C1orf141: variants seen among roughly 807,000 people sequenced by gnomAD.
C1orf141 encodes chromosome 1 open reading frame 141.
A neutral mutation model predicts 23.2 loss-of-function variants in C1orf141; 19 were observed. The ratio of observed to expected loss-of-function variants is 0.82; its 90% CI spans 0.57 to 1.20. The LOEUF (loss-of-function observed/expected upper bound fraction) is 1.20. C1orf141 is among the 50% of genes most tolerant of loss of function. The pLI is 0.00. For missense variants in C1orf141, 469 were observed against 455.1 expected, an observed-to-expected ratio of 1.03 and a Z score of -0.28; for synonymous variants, 153 against 154.6, an observed-to-expected ratio of 0.99 and a Z score of 0.08.
chr1:67,124,064 C>T (rs1646355374), intron 4 of C1orf141: 2 of 152,132 alleles, frequency 1.3e-5, no homozygotes, highest in Admixed American at 1.3e-4. Flanking sequence ...AGGTTCAAAT[C>T]CAGCCTTTCA....
chr1:67,107,495 A>G (rs1570695972), intron 5 of C1orf141, among the ~76,000 whole-genome samples: 1 of 152,250 alleles, frequency 6.6e-6, no homozygotes, highest in Non-Finnish European at 1.5e-5. Flanking sequence ...TATATAAAAA[A>G]TGTACTATAA....
At chr1:67,121,994 C>A (rs982292744) in intron 4 of C1orf141, 1 of 152,136 alleles carries the variant, frequency 6.6e-6, no homozygotes, top group African/African-American at 2.4e-5. Context: ...TTTTAATAAC[C>A]AAAGTGATCA....
At chr1:67,138,009 T>C (rs2102518482), upstream of C1orf141, among the ~76,000 whole-genome samples, 1 of 152,350 alleles carries the variant, frequency 6.6e-6, no homozygotes, top group Non-Finnish European at 1.5e-5. Context: ...CATCTTTAAG[T>C]TTCTTCTTCC....
chr1:67,098,024 C>A (rs1249978350), intron 5 of C1orf141, among the ~76,000 whole-genome samples: 1 of 152,130 alleles, frequency 6.6e-6, no homozygotes, highest in Non-Finnish European at 1.5e-5. Flanking sequence ...CAAACCACAC[C>A]AGAGATGGAT....
intron 4 of C1orf141, among the ~76,000 whole-genome samples, chr1:67,118,541 C>A (rs1225660555): frequency 6.6e-6 from 1 of 152,180 alleles, no homozygotes; most frequent in Non-Finnish European, 1.5e-5. Flanking sequence ...AGTAGACACC[C>A]TGCACCACAC....
In C1orf141 at chr1:67,115,463, G is replaced by T; in HGVS notation, c.235C>A (p.His79Asn). Residue 79 changes from histidine to asparagine, a missense_variant and splice_region_variant, in exon 5 of 8, where the codon CAT becomes AAT. Around this residue, in one of 3 missense-constraint regions of C1orf141, gnomAD observed 95 missense variants for 90.3 expected, o/e 1.05. Transcript: ENST00000684719. ...KSCSITKSKM[H>N]VSFKCEPEPR... ...TCAGGCTCACATTTGAAAGAGACAT[G>T]CCTGGAAGAAATAAAAATTAATTTA... 8.2e-7 allele frequency: 1 copy of T among 1,212,876 alleles called. No individual in the cohort carries two copies. The allele number at this position is 1,212,876 out of a possible 1,614,324, so 75.1% of individuals were successfully genotyped here.
At position 67,125,757 on chromosome 1, in the gene C1orf141, T is replaced by C. The variant is rs1171488286; in HGVS notation, c.228A>G (p.Ser76=). Residue 76 remains serine (S), a synonymous_variant, in exon 4 of 8, where the codon TCA becomes TCG. Coordinates refer to ENST00000684719, the MANE Select transcript of C1orf141 (RefSeq NM_001276351.2). ...AAGGTGGTTATGATAGTTACATTTT[T>C]GATTTTGTAATGCTGCATGACTTGT... The part of the protein sequence containing the change: ...KEDKSCSITK[S]KMHVSFKCEP... The C allele has an allele frequency of 1.9e-6, 3 of 1,613,822 alleles. No individual in the cohort carries two copies. In the South Asian group the frequency reaches 3.3e-5, roughly 18 times the overall value.
At chr1:67,135,906 C>CAAAAAAAAAAAAAAAAAAAA (rs59519661), upstream of C1orf141, among the ~76,000 whole-genome samples, 14 of 62,588 alleles carry the variant, frequency 2.2e-4, no homozygotes, top group African/African-American at 9.1e-4. Flanking sequence ...GGCAAAACTG[C>CAAAAAAAAAAAAAAAAAAAA]AAAAAAAAAA....
Position 67,125,928 on chromosome 1 carries a change from G to GA in C1orf141, c.76-20dup, listed in dbSNP as rs11336462. 47,881 of 1,173,446 alleles carry GA rather than the reference G, an allele frequency of 0.041. 168 individuals are homozygous for GA. The highest frequency in any genetic ancestry group is 0.045 in the African/African-American group (2,144 of 47,956). The allele number at this position is 1,173,446 out of a possible 1,614,324, so 72.7% of individuals were successfully genotyped here. ...TGTTTATCTGCAGCAATGCCAAAGT[G>GA]AAAAAAAAAAAAAAAAAAAGAGTAC... On this transcript the variant is annotated intron_variant, in intron 3 of 7. Transcript: ENST00000684719.
chr1:67,100,689 T>G (rs1265765574), intron 5 of C1orf141, among the ~76,000 whole-genome samples: 1 of 152,184 alleles, frequency 6.6e-6, no homozygotes, highest in Non-Finnish European at 1.5e-5. Flanking sequence ...CTGCTCAACT[T>G]TGAATCAGAT....
At position 67,127,513 on chromosome 1, in the gene C1orf141, C is replaced by T. The variant is rs931309374; in HGVS notation, c.-17-256G>A. Among the ~76,000 whole-genome samples the T allele has an allele frequency of 5.3e-5, 8 of 152,238 alleles. 1 individual carries two copies. The South Asian group carries it at 1.0e-3, about 20-fold the overall frequency. On this transcript the variant is annotated intron_variant, in intron 2 of 7. Coordinates refer to ENST00000684719, the MANE Select transcript of C1orf141 (RefSeq NM_001276351.2). ...ATAAAGGTGAGGGGGAGAAAGTTCA[C>T]GATTACCATGAGAACCATATGTGAC...
Position 67,095,416 on chromosome 1 carries a change from T to C in C1orf141, c.422A>G (p.Lys141Arg). The C allele has an allele frequency of 2.6e-6, 4 of 1,517,404 alleles. No individual in the cohort carries two copies. The allele number at this position is 1,517,404 out of a possible 1,614,324, so 94.0% of individuals were successfully genotyped here. Residue 141 changes from lysine to arginine, a missense_variant, in exon 7 of 8, where the codon AAA becomes AGA. Lys to Arg is a conservative substitution (Grantham distance 26). Transcript: ENST00000684719. ...ATTAAAATCGTTCATCTGTGGAGAT[T>C]TTTTTCTGAAAATAAACACAGTTCA... ...LLEGDRNKRK[K>R]SPQMNDFNIK...
intron 4 of C1orf141, among the ~76,000 whole-genome samples, chr1:67,117,967 A>G (rs1223828495): frequency 6.6e-6 from 1 of 152,156 alleles, no homozygotes; most frequent in Non-Finnish European, 1.5e-5. Flanking sequence ...ATCTCAAGGG[A>G]TTGTTGTAAG....
At chr1:67,101,516 T>C (rs1645800108) in intron 5 of C1orf141, among the ~76,000 whole-genome samples, 1 of 148,674 alleles carries the variant, frequency 6.7e-6, no homozygotes. Flanking sequence ...AACAGGGGAT[T>C]TTTTTCAGAA....
At chr1:67,113,410 G>A (rs575861208) in intron 5 of C1orf141, among the ~76,000 whole-genome samples, 1 of 151,778 alleles carries the variant, frequency 6.6e-6, no homozygotes, top group African/African-American at 2.4e-5. Context: ...TTGTTGCCCA[G>A]GCTAGAGTGC....
intron 4 of C1orf141, among the ~76,000 whole-genome samples, chr1:67,125,543 C>CA (rs758618085): frequency 4.0e-5 from 6 of 151,872 alleles, no homozygotes; most frequent in South Asian, 4.1e-4. Context: ...ATAAAAAATA[C>CA]AAAAAATTAG....
chr1:67,099,321 G>C (rs1287648346), intron 5 of C1orf141, among the ~76,000 whole-genome samples: 1 of 152,110 alleles, frequency 6.6e-6, no homozygotes, highest in African/African-American at 2.4e-5. Flanking sequence ...AAAATGCTGA[G>C]AAAAAATAAT....
At chr1:67,111,680 A>C in intron 5 of C1orf141, 1 of 996,498 alleles carries the variant, frequency 1.0e-6, no homozygotes, top group African/African-American at 1.7e-5. Context: ...CATGCTATTA[A>C]GTTACTTCTA....
intron 4 of C1orf141, among the ~76,000 whole-genome samples, chr1:67,119,062 T>A (rs917206704): frequency 2.0e-5 from 3 of 152,194 alleles, no homozygotes; most frequent in African/African-American, 4.8e-5. Context: ...GGGTAGAGGC[T>A]GGAAGAGTTT....
Sources: gnomAD v4.1 joint callset for allele counts (sites outside exome capture counted in the v4.1 genomes callset) on GRCh38, gnomAD v4.1.1 for gene constraint, gnomAD v4.1.1 regional missense constraint, MANE v1.5 for transcripts, NCBI Gene and HGNC (gene_info 2026-07-23, HGNC 2026-07-21) for gene names.